The following AK8 variants were observed in gnomAD, a reference collection of about 807,000 sequenced individuals.
AK8 encodes the protein adenylate kinase 8.
AK8 carries 44 observed loss-of-function variants against 54.6 expected under a neutral mutation model. The ratio of observed to expected loss-of-function variants is 0.81; its 90% confidence interval spans 0.63 to 1.04. The LOEUF (loss-of-function observed/expected upper bound fraction) is 1.04, where lower values mean the gene tolerates loss of function less well. Among genes scored for constraint, AK8 ranks in the 50% least tolerant of loss-of-function variants. The pLI is 0.00. For synonymous variants in AK8, 239 were observed against 245.6 expected (o/e 0.97, Z 0.25); for missense variants, 555 against 613.6 (o/e 0.90, Z 1.01).
chr9:132,813,759 C>T (rs1841186743), intron 10 of AK8, among the ~76,000 whole-genome samples: 1 of 152,160 alleles, frequency 6.6e-6, no homozygotes. Flanking sequence ...CCCAAAGGTG[C>T]CCTTACTGTG....
At chr9:132,863,558 C>T (rs140631393) in intron 4 of AK8, 107 bp downstream of exon 4, 3 of 733,730 alleles carry the variant, frequency 4.1e-6, no homozygotes, top group South Asian at 1.8e-5. Context: ...TTCTTGTACT[C>T]AATCAAAAAT....
Position 132,791,701 on chromosome 9 carries a change from G to A in AK8, c.1121+933C>T, listed in dbSNP as rs750725243. 5.3e-5 allele frequency among the ~76,000 whole-genome samples: 8 copies of A among 152,156 alleles called. No homozygotes were observed. Among genetic ancestry groups the A allele is most frequent in the Non-Finnish European group, 1.0e-4 (7 of 68,026 alleles). ...AGTATATTGAGAGACTAAACACACA[G>A]TTTGATGATGGTCAGACCATATATA... On this transcript the variant is annotated intron_variant, in intron 11 of 12. Transcript: ENST00000298545. This position sits in a 1 kb window ranked among gnomAD's most constrained non-coding sequence, Gnocchi z 4.0.
intron 10 of AK8, among the ~76,000 whole-genome samples, chr9:132,810,080 T>G (rs1359205661): frequency 6.6e-6 from 1 of 152,258 alleles, no homozygotes; most frequent in Non-Finnish European, 1.5e-5. Flanking sequence ...AGCCCACTAA[T>G]GAGACCCTGT....
intron 5 of AK8, among the ~76,000 whole-genome samples, chr9:132,833,832 T>C (rs1842208328): frequency 6.6e-6 from 1 of 152,248 alleles, no homozygotes; most frequent in Non-Finnish European, 1.5e-5. Context: ...ACTGGCCTCT[T>C]TTGCCCTCCT....
At chr9:132,867,061 G>T in intron 2 of AK8, 108 bp from the exon 3 acceptor site, 1 of 1,080,352 alleles carries the variant, frequency 9.3e-7, no homozygotes, top group Non-Finnish European at 1.4e-6. Flanking sequence ...TTCATTTTCT[G>T]CCAGTGACAC....
rs1013158885 is a variant in AK8, at chr9:132,860,422, G to T, written c.333+3243C>A. On this transcript the variant is annotated intron_variant, in intron 4 of 12. Coordinates refer to ENST00000298545, the MANE Select transcript of AK8 (RefSeq NM_152572.3). The surrounding 1 kb of genome is among the most constrained non-coding windows in gnomAD (Gnocchi z 4.4). ...AGCCAAGGCTGTTTACTCAGAGCTT[G>T]CTGGGCAAGGGAGTCAGCCAGCATC... Among the ~76,000 whole-genome samples the T allele has an allele frequency of 5.9e-5, 9 of 152,250 alleles. No homozygotes were observed. Among genetic ancestry groups the T allele is most frequent in the African/African-American group, 2.2e-4 (9 of 41,464 alleles).
At position 132,873,064 on chromosome 9, in the gene AK8, C is replaced by T. The variant is rs567032849; in HGVS notation, c.169+2051G>A. ...TCCTGACCTCATGATCCGCCCACCT[C>T]GGCCTCCCAAAGTGCTGGGATTACA... On this transcript the variant is annotated intron_variant, in intron 2 of 12. Transcript: ENST00000298545. Among the ~76,000 whole-genome samples, 8 of 152,324 alleles carry T rather than the reference C, an allele frequency of 5.3e-5. No homozygotes were observed. The East Asian group carries it at 5.8e-4, about 11-fold the overall frequency.
chr9:132,794,208 T>C (rs1172550633), intron 10 of AK8, among the ~76,000 whole-genome samples: 1 of 152,214 alleles, frequency 6.6e-6, no homozygotes, highest in Non-Finnish European at 1.5e-5. Context: ...AACGAGAACA[T>C]CTGGCTATCT....
intron 5 of AK8, 121 bp from the exon 6 acceptor site, chr9:132,828,847 T>C: frequency 1.5e-6 from 1 of 645,332 alleles, no homozygotes; most frequent in Non-Finnish European, 2.5e-6. Context: ...AAAAAATGTT[T>C]CTGATAGCTA....
chr9:132,819,185 G>A (rs114030289), intron 9 of AK8, among the ~76,000 whole-genome samples: 4,143 of 152,192 alleles, frequency 0.027, 206 homozygotes, highest in African/African-American at 0.094. Context: ...TAAAAATTAC[G>A]TCTGCACTGA....
chr9:132,829,599 TA>T (rs35603781), intron 5 of AK8, among the ~76,000 whole-genome samples: 10 of 148,418 alleles, frequency 6.7e-5, no homozygotes, highest in African/African-American at 2.0e-4. Context: ...CCATTTTTCT[TA>T]AAAAAAAAAA....
intron 2 of AK8, among the ~76,000 whole-genome samples, chr9:132,869,940 T>A (rs1034476127): frequency 6.6e-6 from 1 of 152,166 alleles, no homozygotes; most frequent in Non-Finnish European, 1.5e-5. Flanking sequence ...GGTCCACTCA[T>A]GCACCATCGC....
At chr9:132,820,974 T>TA (rs970473754) in intron 9 of AK8, among the ~76,000 whole-genome samples, 2 of 152,180 alleles carry the variant, frequency 1.3e-5, no homozygotes, top group Non-Finnish European at 2.9e-5. Context: ...CTTTCTGAGA[T>TA]AGTCTCCAAA....
chr9:132,742,296 T>C (rs768123261), intron 11 of AK8, among the ~76,000 whole-genome samples: 26 of 151,380 alleles, frequency 1.7e-4, no homozygotes, highest in Non-Finnish European at 2.9e-4. Flanking sequence ...CACTTCAGCC[T>C]CCCTAACAGC....
intron 10 of AK8, among the ~76,000 whole-genome samples, chr9:132,811,048 T>C (rs1444851030): frequency 3.3e-5 from 5 of 152,184 alleles, no homozygotes; most frequent in Non-Finnish European, 1.5e-5. Context: ...TGACCAATTA[T>C]CTTATGAAAA....
At chr9:132,828,587 C>A in intron 6 of AK8, 58 bp downstream of exon 6, 1 of 1,508,438 alleles carries the variant, frequency 6.6e-7, no homozygotes. Flanking sequence ...GGGGCGCTCA[C>A]TGGCCACCCC....
In AK8 at chr9:132,784,655, GAGAA is replaced by G. The variant is rs1357060493; in HGVS notation, c.1121+7975_1121+7978del. Reference sequence around the variant, plus strand: ...TGAGGGCGGGGGAGGAGCTTGGGGAGAGAAAGAAAGAAACATGATCAAAGAATTC... The same window carrying G: ...TGAGGGCGGGGGAGGAGCTTGGGGAGAGAAAGAAACATGATCAAAGAATTC... On this transcript the variant is annotated intron_variant, in intron 11 of 12. Coordinates refer to ENST00000298545, the MANE Select transcript of AK8 (RefSeq NM_152572.3). Among the ~76,000 whole-genome samples the G allele has an allele frequency of 2.0e-5, 3 of 152,174 alleles. No individual in the cohort carries two copies. The East Asian group carries it at 5.8e-4, about 29-fold the overall frequency.
chr9:132,856,891 G>A (rs771928235), intron 4 of AK8, among the ~76,000 whole-genome samples: 5 of 152,154 alleles, frequency 3.3e-5, no homozygotes, highest in Non-Finnish European at 2.9e-5. Context: ...GCGAGAGAAC[G>A]AGGGAGGGGG....
chr9:132,836,132 A>C (rs1026689340), intron 5 of AK8, among the ~76,000 whole-genome samples: 8 of 152,116 alleles, frequency 5.3e-5, no homozygotes, highest in African/African-American at 1.7e-4. Context: ...TCAAAAAAAA[A>C]CAAAAAGTTA....
Sources: allele counts gnomAD v4.1 joint callset (sites outside exome capture counted in the v4.1 genomes callset), GRCh38; gene constraint gnomAD v4.1.1; non-coding constraint Gnocchi (gnomAD v3.1); transcripts MANE v1.5; gene names NCBI Gene and HGNC (gene_info 2026-07-23, HGNC 2026-07-21).